AIRIM: variants seen among roughly 807,000 people sequenced by gnomAD.
AIRIM encodes AFG2 interacting ribosome maturation factor, also known as AFG2-interacting ribosome maturation factor.
chr1:37,686,607 T>C, the AIRIM span, among the ~76,000 whole-genome samples: 1 of 152,178 alleles, frequency 6.6e-6, no homozygotes, highest in African/African-American at 2.4e-5. Flanking sequence ...GCCTGGCCCC[T>C]ACCCACTAAA....
the AIRIM span, chr1:37,686,322 CCA>C: frequency 1.9e-6 from 3 of 1,613,970 alleles, no homozygotes; most frequent in Admixed American, 3.3e-5. Flanking sequence ...AACATGTCAG[CCA>C]CAGAGGGGCT....
chr1:37,684,997 C>CAA, the AIRIM span, among the ~76,000 whole-genome samples: 1 of 149,736 alleles, frequency 6.7e-6, no homozygotes, highest in Non-Finnish European at 1.5e-5. Context: ...ATCTCCTAGG[C>CAA]AAAAAAAAAA....
At chr1:37,683,150 C>A in the AIRIM span, 2 of 1,612,604 alleles carry the variant, frequency 1.2e-6, no homozygotes, top group Non-Finnish European at 1.7e-6. Context: ...AGGAAACATT[C>A]AATAGGATAT....
At chr1:37,690,274 C>G in the AIRIM span, 1 of 1,292,468 alleles carries the variant, frequency 7.7e-7, no homozygotes, top group Non-Finnish European at 1.0e-6. Flanking sequence ...CGTGAGCCAC[C>G]GCGCCCGGCC....
chr1:37,686,578 G>T, the AIRIM span: 2 of 875,824 alleles, frequency 2.3e-6, no homozygotes, highest in Non-Finnish European at 3.5e-6. Flanking sequence ...CCTGTACATT[G>T]TAGGACGTGT....
chr1:37,685,365 A>T, the AIRIM span, among the ~76,000 whole-genome samples: 1 of 145,418 alleles, frequency 6.9e-6, no homozygotes, highest in Non-Finnish European at 1.5e-5. Flanking sequence ...GCACACCATC[A>T]TGCCTGGCCC....
the AIRIM span, among the ~76,000 whole-genome samples, chr1:37,687,912 G>A: frequency 1.3e-5 from 2 of 151,758 alleles, no homozygotes; most frequent in Non-Finnish European, 1.5e-5. Flanking sequence ...CATGGAGAAT[G>A]GGATCTCACT....
chr1:37,687,859 C>A, the AIRIM span, among the ~76,000 whole-genome samples: 15 of 152,224 alleles, frequency 9.9e-5, no homozygotes, highest in East Asian at 2.9e-3. Flanking sequence ...AGGAGTGAGG[C>A]ACCGTACCTG....
chr1:37,684,202 G>A, the AIRIM span: 1 of 152,452 alleles, frequency 6.6e-6, no homozygotes, highest in East Asian at 1.9e-4. Context: ...GAAGCACCAG[G>A]GAAACAGAAG....
At chr1:37,688,965 C>CAA in the AIRIM span, among the ~76,000 whole-genome samples, 4,381 of 106,184 alleles carry the variant, frequency 0.041, 262 homozygotes, top group East Asian at 0.16. Context: ...GACCCTGTCT[C>CAA]AAAAAAAAAA....
At chr1:37,683,400 A>G in the AIRIM span, 2 of 1,614,128 alleles carry the variant, frequency 1.2e-6, no homozygotes, top group South Asian at 1.1e-5. Flanking sequence ...AAGTCTCCCC[A>G]CTGGATAGAC....
the AIRIM span, chr1:37,682,351 C>G: frequency 6.6e-6 from 1 of 152,452 alleles, no homozygotes; most frequent in African/African-American, 2.4e-5. Flanking sequence ...AATGTAACCC[C>G]GATGGACTGA....
the AIRIM span, among the ~76,000 whole-genome samples, chr1:37,685,200 G>GC: frequency 7.9e-6 from 1 of 125,854 alleles, no homozygotes; most frequent in Non-Finnish European, 1.7e-5. Flanking sequence ...TTTGGGGGGG[G>GC]GGGGTGGGCG....
the AIRIM span, chr1:37,686,347 C>T: frequency 6.2e-7 from 1 of 1,614,122 alleles, no homozygotes; most frequent in Non-Finnish European, 8.5e-7. Flanking sequence ...CTGCTGAAGG[C>T]TGCAGGACAG....
chr1:37,686,963 A>G, the AIRIM span, among the ~76,000 whole-genome samples: 1 of 151,754 alleles, frequency 6.6e-6, no homozygotes, highest in Non-Finnish European at 1.5e-5. Flanking sequence ...CTCGGGAGGC[A>G]CGAGAATCAC....
the AIRIM span, among the ~76,000 whole-genome samples, chr1:37,689,307 C>T: frequency 2.6e-5 from 4 of 152,198 alleles, no homozygotes; most frequent in African/African-American, 9.6e-5. Flanking sequence ...CTCCTCACTG[C>T]CTTTTACCAA....
the AIRIM span, chr1:37,690,484 G>A: frequency 3.1e-5 from 39 of 1,244,328 alleles, no homozygotes; most frequent in Middle Eastern, 2.6e-4. Context: ...CAAAGCGTGA[G>A]AACCCTCCAG....
the AIRIM span, chr1:37,682,389 C>A: frequency 6.6e-6 from 1 of 152,560 alleles, no homozygotes; most frequent in Non-Finnish European, 1.5e-5. Context: ...CCCACCCCTG[C>A]GGCTACTCCA....
chr1:37,688,965 C>CAAA, the AIRIM span, among the ~76,000 whole-genome samples: 8,025 of 106,122 alleles, frequency 0.076, 347 homozygotes, highest in Middle Eastern at 0.14. Flanking sequence ...GACCCTGTCT[C>CAAA]AAAAAAAAAA....
Sources: gnomAD v4.1 joint callset for allele counts (sites outside exome capture counted in the v4.1 genomes callset) on GRCh38, gnomAD v4.1.1 for gene constraint, MANE v1.5 for transcripts, NCBI Gene and HGNC (gene_info 2026-07-23, HGNC 2026-07-21) for gene names.